PHF20L1: variants seen among roughly 807,000 people sequenced by gnomAD.
PHF20L1 encodes PHD finger protein 20 like 1.
A neutral mutation model predicts 125.5 loss-of-function variants in PHF20L1; 44 were observed. The ratio of observed to expected loss-of-function variants is 0.35; its 90% CI spans 0.28 to 0.45. PHF20L1 has a LOEUF of 0.45. PHF20L1 is among the 20% of genes least tolerant of loss of function. The probability of loss-of-function intolerance (pLI) is 1.00; values close to 1 mark genes in which losing one functional copy is unlikely to be tolerated. For missense variants in PHF20L1, 1,012 were observed against 1,217.2 expected (o/e 0.83, Z 2.51); for synonymous variants, 380 against 403.1 (o/e 0.94, Z 0.69).
rs997028301 is a variant in PHF20L1, at chr8:132,848,169, T to C, written c.*2246T>C. On this transcript the variant is annotated 3_prime_UTR_variant, in exon 21 of 21. Coordinates refer to ENST00000395386, the MANE Select transcript of PHF20L1 (RefSeq NM_016018.5). Reference sequence around the variant, plus strand: ...TTGTAGTTTCTAAAAATTAGATCAATTTATTTGTTAGCCAGCAAATTGAAA... The same window carrying C: ...TTGTAGTTTCTAAAAATTAGATCAACTTATTTGTTAGCCAGCAAATTGAAA... 1 of 152,098 alleles carries C rather than the reference T, an allele frequency of 6.6e-6. No homozygotes were observed. Among genetic ancestry groups the C allele is most frequent in the African/African-American group, 2.4e-5 (1 of 41,440 alleles). 9.4% of individuals were successfully genotyped at this position (152,098 alleles called of 1,614,324 possible).
intron 6 of PHF20L1, 75 bp from the exon 7 acceptor site, chr8:132,803,744 C>T: frequency 4.0e-6 from 3 of 757,970 alleles, no homozygotes; most frequent in African/African-American, 1.8e-5. Flanking sequence ...GAAAATGTGA[C>T]ACATATTTTT....
At chr8:132,781,779 A>G (rs550915576) in intron 2 of PHF20L1, among the ~76,000 whole-genome samples, 1 of 152,200 alleles carries the variant, frequency 6.6e-6, no homozygotes, top group Admixed American at 6.5e-5. Context: ...TAGCTACATA[A>G]GAACACTCAT....
chr8:132,844,563 A>G (rs1838250716), intron 20 of PHF20L1, among the ~76,000 whole-genome samples: 1 of 152,026 alleles, frequency 6.6e-6, no homozygotes, highest in African/African-American at 2.4e-5. Context: ...AATACTGTCT[A>G]TTTGCCAGGC....
At chr8:132,815,987 A>G (rs975364231) in intron 10 of PHF20L1, 7 of 151,850 alleles carry the variant, frequency 4.6e-5, no homozygotes, top group Non-Finnish European at 8.8e-5. Flanking sequence ...TTATTCTTTC[A>G]TATTTTTAAG....
At chr8:132,830,605 T>G (rs895633285) in intron 14 of PHF20L1, among the ~76,000 whole-genome samples, 8 of 152,060 alleles carry the variant, frequency 5.3e-5, no homozygotes, top group African/African-American at 1.2e-4. Context: ...ATCCTTTTCC[T>G]CACAGAGTTG....
chr8:132,783,549 A>G (rs1339396168), intron 2 of PHF20L1, among the ~76,000 whole-genome samples: 12 of 152,168 alleles, frequency 7.9e-5, no homozygotes, highest in Admixed American at 6.5e-5. Context: ...TGTGTCATCT[A>G]TATTTAGAGT....
chr8:132,802,051 T>C (rs1397925918), intron 6 of PHF20L1, among the ~76,000 whole-genome samples: 1 of 151,660 alleles, frequency 6.6e-6, no homozygotes, highest in African/African-American at 2.4e-5. Context: ...TGCAAATGTA[T>C]GATCTCTGTG....
Position 132,832,716 on chromosome 8 carries a change from C to T in PHF20L1, c.1909+317C>T, listed in dbSNP as rs117320043. On this transcript the variant is annotated intron_variant, in intron 15 of 20. Transcript: ENST00000395386. ...ATTCACATTTGATATATAAACAAGC[C>T]GAAACTTACAGGGTAAGTAGCTTTT... 1.5e-3 allele frequency among the ~76,000 whole-genome samples: 226 copies of T among 152,118 alleles called. 6 individuals are homozygous for T. Among genetic ancestry groups the T allele is most frequent in the Admixed American group, 0.011 (171 of 15,262 alleles).
intron 8 of PHF20L1, chr8:132,809,198 ACT>A (rs1372207799): frequency 6.6e-6 from 1 of 152,052 alleles, no homozygotes; most frequent in Non-Finnish European, 1.5e-5. Context: ...ATGGAATCTC[ACT>A]CTGTTCCCCA....
chr8:132,782,555 C>T (rs936170237), intron 2 of PHF20L1, among the ~76,000 whole-genome samples: 5 of 151,490 alleles, frequency 3.3e-5, no homozygotes, highest in Non-Finnish European at 5.9e-5. Flanking sequence ...CAAAACATCT[C>T]ATTGCAACAA....
intron 12 of PHF20L1, among the ~76,000 whole-genome samples, chr8:132,819,926 A>G (rs1312418224): frequency 1.3e-5 from 2 of 151,874 alleles, no homozygotes; most frequent in Non-Finnish European, 2.9e-5. Flanking sequence ...TTAGGTTTTT[A>G]CTTTTGGGGG....
In PHF20L1 at chr8:132,793,119, A is replaced by G. The variant is rs1191879219; in HGVS notation, c.84-1291A>G. ...GCAGCAGGAGCCGGGGAGTTAGGGA[A>G]GTCTTCACACAAGCAGTTCTGTGTT... is the stretch of plus-strand genomic sequence containing the variant. On this transcript the variant is annotated intron_variant, in intron 2 of 20. Transcript: ENST00000395386. 6.6e-5 allele frequency among the ~76,000 whole-genome samples: 10 copies of G among 152,084 alleles called. No individual in the cohort carries two copies. In the South Asian group the frequency reaches 2.1e-3, roughly 32 times the overall value.
intron 7 of PHF20L1, 107 bp from the exon 8 acceptor site, chr8:132,804,508 T>TA: frequency 1.3e-6 from 1 of 779,448 alleles, no homozygotes; most frequent in South Asian, 1.9e-5. Context: ...AGTAGTAGAT[T>TA]AAAAAAACTA....
chr8:132,803,415 G>A (rs1399150416), intron 6 of PHF20L1: 3 of 159,124 alleles, frequency 1.9e-5, no homozygotes, highest in Admixed American at 1.3e-4. Context: ...AGAATTGCAA[G>A]ATAGCATTTT....
chr8:132,816,974 C>T lies in PHF20L1; in HGVS notation c.1270C>T (p.Pro424Ser). Residue 424 changes from proline (P) to serine (S), a missense_variant, in exon 11 of 21, where the codon CCT (proline) becomes TCT (serine). Transcript: ENST00000395386. Reference sequence around the variant, plus strand: ...TCAGCGTTTAGCCACCTTACCCATGCCTGATGATTCTGTAGAAAAGGTTTC... The same window carrying T: ...TCAGCGTTTAGCCACCTTACCCATGTCTGATGATTCTGTAGAAAAGGTTTC... Reference protein sequence around the residue: ...RSQRLATLPMPDDSVEKVSSP... With the variant: ...RSQRLATLPMSDDSVEKVSSP... 1 of 1,610,936 alleles carries T rather than the reference C, an allele frequency of 6.2e-7. No individual in the cohort carries two copies. The highest frequency in any genetic ancestry group is 1.1e-5 in the South Asian group (1 of 90,950).
chr8:132,806,553 A>G (rs895369315), intron 8 of PHF20L1: 1 of 152,088 alleles, frequency 6.6e-6, no homozygotes, highest in African/African-American at 2.4e-5. Context: ...TAAGTGTGTG[A>G]TAATCTTTTT....
rs137863501 is a variant in PHF20L1 at position 132,813,980 on chromosome 8, G to GT, written c.931-647dup. On this transcript the variant is annotated intron_variant, in intron 9 of 20. Transcript: ENST00000395386. ...TTTTAACTTACACTTTATCTCTTTG[G>GT]TTTTTTTTTTGTTGTTGTTGCTTGT... Among the ~76,000 whole-genome samples the GT allele has an allele frequency of 7.2e-3, 1,055 of 146,662 alleles. 5 individuals carry two copies. Among genetic ancestry groups the GT allele is most frequent in the East Asian group, 0.047 (236 of 5,040 alleles).
chr8:132,845,710 T>G, intron 20 of PHF20L1, 71 bp from the exon 21 acceptor site: 1 of 1,100,126 alleles, frequency 9.1e-7, no homozygotes, highest in Non-Finnish European at 1.4e-6. Flanking sequence ...GCTCCAACTT[T>G]CTGATTGTTT....
In PHF20L1 at chr8:132,794,590, C is replaced by G. The variant is rs1401128821; in HGVS notation, c.255+9C>G. 7 of 1,594,676 alleles carry G rather than the reference C, an allele frequency of 4.4e-6. No homozygotes were observed. The highest frequency in any genetic ancestry group is 5.1e-6 in the Non-Finnish European group (6 of 1,168,342). ...ATGAGGAAGATTTCTTTGTAAGTAGCAAGTTTTTTCTGTTTGCTAGTTTTG... is the reference window on the plus strand; with the variant it reads ...ATGAGGAAGATTTCTTTGTAAGTAGGAAGTTTTTTCTGTTTGCTAGTTTTG... On this transcript the variant is annotated intron_variant, in intron 3 of 20. Coordinates refer to ENST00000395386, the MANE Select transcript of PHF20L1 (RefSeq NM_016018.5).
Sources: allele counts gnomAD v4.1 joint callset (sites outside exome capture counted in the v4.1 genomes callset), GRCh38; gene constraint gnomAD v4.1.1; transcripts MANE v1.5; gene names NCBI Gene and HGNC (gene_info 2026-07-23, HGNC 2026-07-21).